The following SEMA3B variants were observed in gnomAD, a reference collection of about 807,000 sequenced individuals.
SEMA3B encodes the protein semaphorin-3B.
SEMA3B carries 71 observed loss-of-function variants against 77.8 expected under a neutral mutation model. The ratio of observed to expected loss-of-function variants is 0.91; its 90% confidence interval spans 0.75 to 1.11. SEMA3B has a LOEUF of 1.11. SEMA3B is among the 50% of genes most tolerant of loss of function. The probability of loss-of-function intolerance (pLI) is 0.00; values close to 1 mark genes in which losing one functional copy is unlikely to be tolerated. For missense variants in SEMA3B, 968 were observed against 1,056.8 expected, an observed-to-expected ratio of 0.92 and a Z score of 1.17; for synonymous variants, 470 against 452.9, an observed-to-expected ratio of 1.04 and a Z score of -0.48.
chr3:50,274,310 A>T lies in SEMA3B; in HGVS notation c.1138-53A>T. On this transcript the variant is annotated intron_variant, in intron 10 of 16. Transcript: ENST00000616701. The surrounding 1 kb of genome is among the most constrained non-coding windows in gnomAD (Gnocchi z 4.7). Reference sequence around the variant, plus strand: ...AGAGGCTGGGCATGGAGGGCTGCCTATCAAGCCCCCATATCTATATCCCTG... The same window carrying T: ...AGAGGCTGGGCATGGAGGGCTGCCTTTCAAGCCCCCATATCTATATCCCTG... The T allele has an allele frequency of 2.2e-6, 3 of 1,378,062 alleles. No homozygotes were observed. Among genetic ancestry groups the T allele is most frequent in the East Asian group, 4.8e-5 (2 of 41,326 alleles). 85.4% of individuals were successfully genotyped at this position (1,378,062 alleles called of 1,614,324 possible).
the SEMA3B span, chr3:50,262,442 CA>C: frequency 1.3e-5 from 2 of 152,136 alleles, no homozygotes; most frequent in South Asian, 2.1e-4. Context: ...CTCTTAAAAA[CA>C]AAAGATCCTA....
chr3:50,269,353 G>A lies in SEMA3B; in HGVS notation c.109+4G>A. 1 of 1,471,860 alleles carries A rather than the reference G, an allele frequency of 6.8e-7. No individual in the cohort carries two copies. Among genetic ancestry groups the A allele is most frequent in the Non-Finnish European group, 9.0e-7 (1 of 1,106,590 alleles). The allele number at this position is 1,471,860 out of a possible 1,614,324, so 91.2% of individuals were successfully genotyped here. ...CGCCTTCGGCTCTCCTTCCAAGGTA[G>A]GTGCACCTGGCAGGCGGGAGGGCCC... On this transcript the variant is annotated splice_donor_region_variant and intron_variant, in intron 1 of 16. Coordinates refer to ENST00000616701, the MANE Select transcript of SEMA3B (RefSeq NM_001290060.2). The surrounding 1 kb of genome is among the most constrained non-coding windows in gnomAD (Gnocchi z 4.0).
chr3:50,270,807 G>T lies in SEMA3B; in HGVS notation c.331-83G>T, dbSNP rs1055960790. 1.3e-6 allele frequency: 2 copies of T among 1,536,212 alleles called. No homozygotes were observed. The highest frequency in any genetic ancestry group is 1.8e-6 in the Non-Finnish European group (2 of 1,136,910). On this transcript the variant is annotated intron_variant, in intron 3 of 16. Transcript: ENST00000616701. This position sits in a 1 kb window ranked among gnomAD's most constrained non-coding sequence, Gnocchi z 4.7. ...TTGCCTGGGCTGATGCCGAAGAGAG[G>T]GAGGGGTGAGGATGCCACTGGTGAG...
chr3:50,276,348 T>G lies in SEMA3B; in HGVS notation c.1892T>G (p.Leu631Arg). ...RTERTARGLL[L>R]RRLRRRDSGV... Reference sequence around the variant, plus strand: ...GAGCGCACCGCCCGGGGACTACTGCTGCGCAGGCTGCGGCGCCGGGACTCG... The same window carrying G: ...GAGCGCACCGCCCGGGGACTACTGCGGCGCAGGCTGCGGCGCCGGGACTCG... The change falls in exon 17 of 17, where the codon CTG becomes CGG. Residue 631 changes from leucine (L) to arginine (R), a missense_variant. Leu to Arg is a moderately radical substitution (Grantham distance 102, BLOSUM62 -2). Coordinates refer to ENST00000616701, the MANE Select transcript of SEMA3B (RefSeq NM_001290060.2). This position sits in a 1 kb window ranked among gnomAD's most constrained non-coding sequence, Gnocchi z 5.8. 2.6e-6 allele frequency: 4 copies of G among 1,532,494 alleles called. No individual in the cohort carries two copies. Among genetic ancestry groups the G allele is most frequent in the Non-Finnish European group, 2.6e-6 (3 of 1,143,950 alleles). 94.9% of individuals were successfully genotyped at this position (1,532,494 alleles called of 1,614,324 possible). A position where few individuals can be genotyped will look rare whatever the true frequency, so the allele number is the denominator to read the frequency against.
At chr3:50,268,449 T>C (rs1002088431), upstream of SEMA3B, among the ~76,000 whole-genome samples, 9 of 152,212 alleles carry the variant, frequency 5.9e-5, no homozygotes, top group Non-Finnish European at 1.0e-4. Context: ...AATATGCACA[T>C]ATCACACATA....
rs781987853 is a variant in SEMA3B at position 50,274,327 on chromosome 3, A to ATAT, written c.1138-35_1138-33dup. On this transcript the variant is annotated intron_variant, in intron 10 of 16. Transcript: ENST00000616701. This position sits in a 1 kb window ranked among gnomAD's most constrained non-coding sequence, Gnocchi z 4.7. ...GGCTGCCTATCAAGCCCCCATATCT[A>ATAT]TATCCCTGCTGTGCCTCCCTTTCCC... The ATAT allele has an allele frequency of 4.6e-5, 67 of 1,449,728 alleles. No homozygotes were observed. The highest frequency in any genetic ancestry group is 6.2e-5 in the Non-Finnish European group (67 of 1,081,412). 89.8% of individuals were successfully genotyped at this position (1,449,728 alleles called of 1,614,324 possible).
Position 50,270,705 on chromosome 3 carries a change from C to T in SEMA3B, c.331-185C>T. 1 of 1,191,292 alleles carries T rather than the reference C, an allele frequency of 8.4e-7. No individual in the cohort carries two copies. The highest frequency in any genetic ancestry group is 2.4e-5 in the Admixed American group (1 of 41,452). The allele number at this position is 1,191,292 out of a possible 1,614,324, so 73.8% of individuals were successfully genotyped here. ...TCATGGGAGGCTTTGCAGGCCTGTG[C>T]TTCCCCAGACACCCACCCTCGTGAG... is the stretch of plus-strand genomic sequence containing the variant. On this transcript the variant is annotated intron_variant, in intron 3 of 16. Transcript: ENST00000616701. The surrounding 1 kb of genome is among the most constrained non-coding windows in gnomAD (Gnocchi z 4.7).
In SEMA3B at chr3:50,276,712, C is replaced by A; in HGVS notation, c.*6C>A. The A allele has an allele frequency of 6.7e-7, 1 of 1,497,544 alleles. No homozygotes were observed. Among genetic ancestry groups the A allele is most frequent in the Non-Finnish European group, 8.8e-7 (1 of 1,132,156 alleles). 92.8% of individuals were successfully genotyped at this position (1,497,544 alleles called of 1,614,324 possible). On this transcript the variant is annotated 3_prime_UTR_variant, in exon 17 of 17. Coordinates refer to ENST00000616701, the MANE Select transcript of SEMA3B (RefSeq NM_001290060.2). This position sits in a 1 kb window ranked among gnomAD's most constrained non-coding sequence, Gnocchi z 5.8. Reference sequence around the variant, plus strand: ...GCAGCGCAACGCACTGGTGACCAGACTGTCCCCACGCCGGGAACCAAGCAG... The same window carrying A: ...GCAGCGCAACGCACTGGTGACCAGAATGTCCCCACGCCGGGAACCAAGCAG...
chr3:50,271,247 G>T, intron 5 of SEMA3B, 66 bp downstream of exon 5: 1 of 1,547,206 alleles, frequency 6.5e-7, no homozygotes, highest in Non-Finnish European at 8.7e-7. Flanking sequence ...AAAGTCCCAA[G>T]ACCCCCAAGA....
chr3:50,276,892 A>C lies in SEMA3B; in HGVS notation c.*186A>C. ...TTATTTATTAACAGGATAACCCTTG[A>C]ATGTAGCAGCCCCGGGAGGGCGGCA... On this transcript the variant is annotated 3_prime_UTR_variant, in exon 17 of 17. Coordinates refer to ENST00000616701, the MANE Select transcript of SEMA3B (RefSeq NM_001290060.2). This position sits in a 1 kb window ranked among gnomAD's most constrained non-coding sequence, Gnocchi z 5.8. The C allele has an allele frequency of 3.0e-6, 2 of 664,520 alleles. No homozygotes were observed. The highest frequency in any genetic ancestry group is 4.6e-6 in the Non-Finnish European group (2 of 435,370). The allele number at this position is 664,520 out of a possible 1,614,324, so 41.2% of individuals were successfully genotyped here.
chr3:50,272,378 T>C (rs1553705507), intron 6 of SEMA3B, among the ~76,000 whole-genome samples: 1 of 151,700 alleles, frequency 6.6e-6, no homozygotes, highest in East Asian at 1.9e-4. Flanking sequence ...AGTTTGAGAC[T>C]AGCCTGGCCA....
In SEMA3B at chr3:50,270,105, T is replaced by A. The variant is rs1318849304; in HGVS notation, c.110-22T>A. The A allele has an allele frequency of 6.6e-6, 10 of 1,520,034 alleles. No individual in the cohort carries two copies. The highest frequency in any genetic ancestry group is 8.8e-6 in the Non-Finnish European group (10 of 1,131,288). 94.2% of individuals were successfully genotyped at this position (1,520,034 alleles called of 1,614,324 possible). The stretch of plus-strand genomic sequence containing the variant: ...GGCTTCCAGCATGGCTGGCGAGTCA[T>A]CAGCAGTGTCCTGCCCTGCAGAGCT... On this transcript the variant is annotated intron_variant, in intron 1 of 16. Coordinates refer to ENST00000616701, the MANE Select transcript of SEMA3B (RefSeq NM_001290060.2). The surrounding 1 kb of genome is among the most constrained non-coding windows in gnomAD (Gnocchi z 4.7).
chr3:50,262,263 C>G, the SEMA3B span: 2 of 152,238 alleles, frequency 1.3e-5, no homozygotes, highest in Non-Finnish European at 2.9e-5. Context: ...CCACTGCACT[C>G]TAGCCTAGGT....
rs1450014743 is a variant in SEMA3B, at chr3:50,270,753, C to T, written c.331-137C>T. ...GAGGCCTGGGCTGGTCAGCAAGGGC[C>T]CCCAGGTCCCTGTAGCCCATGTTAG... On this transcript the variant is annotated intron_variant, in intron 3 of 16. Transcript: ENST00000616701. This position sits in a 1 kb window ranked among gnomAD's most constrained non-coding sequence, Gnocchi z 4.7. 7.1e-7 allele frequency: 1 copy of T among 1,414,554 alleles called. No homozygotes were observed. The highest frequency in any genetic ancestry group is 2.5e-5 in the East Asian group (1 of 40,032). The allele number at this position is 1,414,554 out of a possible 1,614,324, so 87.6% of individuals were successfully genotyped here. A position where few individuals can be genotyped will look rare whatever the true frequency, so the allele number is the denominator to read the frequency against.
chr3:50,271,399 G>T lies in SEMA3B; in HGVS notation c.583G>T (p.Gly195Ter). The change falls in exon 6 of 17, where the codon GGA (glycine) becomes TGA (stop). Residue 195 changes from glycine (G) to a stop codon, truncating the protein, a stop_gained. Coordinates refer to ENST00000616701, the MANE Select transcript of SEMA3B (RefSeq NM_001290060.2). LOFTEE classifies it high-confidence loss of function. Reference sequence around the variant, plus strand: ...CTCAGGGGTGGCAGCAGACCTCATGGGACGAGACTTTACCATCTTTCGCAG... The same window carrying T: ...CTCAGGGGTGGCAGCAGACCTCATGTGACGAGACTTTACCATCTTTCGCAG... Reference protein sequence around the residue: ...LYSGVAADLMGRDFTIFRSLG... With the variant: ...LYSGVAADLM The T allele has an allele frequency of 1.3e-6, 2 of 1,590,752 alleles. No homozygotes were observed. Among genetic ancestry groups the T allele is most frequent in the East Asian group, 2.3e-5 (1 of 43,658 alleles).
chr3:50,264,925 AG>A (rs370563488), upstream of SEMA3B, among the ~76,000 whole-genome samples: 34 of 141,554 alleles, frequency 2.4e-4, no homozygotes, highest in African/African-American at 8.3e-4. Context: ...AGGGGAGGGC[AG>A]GGGTGGGGCA....
Position 50,274,944 on chromosome 3 carries a change from C to T in SEMA3B, c.1449+10C>T. ...GCTGCACGTGTTTGAGGTGAGGCCT[C>T]ACCCCCAGTCGCCCGGGACCCCCCC... On this transcript the variant is annotated intron_variant, in intron 12 of 16. Coordinates refer to ENST00000616701, the MANE Select transcript of SEMA3B (RefSeq NM_001290060.2). This position sits in a 1 kb window ranked among gnomAD's most constrained non-coding sequence, Gnocchi z 4.7. 1 of 1,605,088 alleles carries T rather than the reference C, an allele frequency of 6.2e-7. No individual in the cohort carries two copies. The highest frequency in any genetic ancestry group is 8.5e-7 in the Non-Finnish European group (1 of 1,177,210).
In SEMA3B at chr3:50,275,684, T is replaced by C; in HGVS notation, c.1706-21T>C. ...CCACCTGCCCTGCCTTGCCTAAATC[T>C]GACTTTCTTCTCGCCCCAAGACTCG... On this transcript the variant is annotated intron_variant, in intron 15 of 16. Transcript: ENST00000616701. The surrounding 1 kb of genome is among the most constrained non-coding windows in gnomAD (Gnocchi z 7.5). 7 of 1,612,246 alleles carry C rather than the reference T, an allele frequency of 4.3e-6. No individual in the cohort carries two copies. Among genetic ancestry groups the C allele is most frequent in the Non-Finnish European group, 5.9e-6 (7 of 1,178,644 alleles).
chr3:50,269,253 G>C lies in SEMA3B; in HGVS notation c.13G>C (p.Gly5Arg). ...CTGAGCTGCTGAGATGGGGCGGGCC[G>C]GGGCTGCCGCCGTGATCCCGGGCCT... Reference protein sequence around the residue: MGRAGAAAVIPGLAL... With the variant: MGRARAAAVIPGLAL... The change falls in exon 1 of 17, where the codon GGG becomes CGG. Residue 5 changes from glycine (G) to arginine (R), a missense_variant. Gly to Arg is a moderately radical substitution (Grantham distance 125, BLOSUM62 -2). Coordinates refer to ENST00000616701, the MANE Select transcript of SEMA3B (RefSeq NM_001290060.2). This position sits in a 1 kb window ranked among gnomAD's most constrained non-coding sequence, Gnocchi z 4.0. 6.5e-7 allele frequency: 1 copy of C among 1,536,354 alleles called. No individual in the cohort carries two copies. The highest frequency in any genetic ancestry group is 8.7e-7 in the Non-Finnish European group (1 of 1,146,286).
Sources: allele counts gnomAD v4.1 joint callset (sites outside exome capture counted in the v4.1 genomes callset), GRCh38; gene constraint gnomAD v4.1.1; non-coding constraint Gnocchi (gnomAD v3.1); transcripts MANE v1.5; gene names NCBI Gene and HGNC (gene_info 2026-07-23, HGNC 2026-07-21).